Variants in CELSR2 observed in about 807,000 individuals in gnomAD.
CELSR2 encodes cadherin EGF LAG seven-pass G-type receptor 2, also known as EGF-like protein 2.
A neutral mutation model predicts 251.6 loss-of-function variants in CELSR2; 81 were observed. The ratio of observed to expected loss-of-function variants is 0.32; its 90% confidence interval spans 0.27 to 0.39. The LOEUF is 0.39. Among genes scored for constraint, CELSR2 ranks in the 10% least tolerant of loss-of-function variants. CELSR2 has a pLI of 1.00. For synonymous variants in CELSR2, 1,721 were observed against 1,670.5 expected, an observed-to-expected ratio of 1.03 and a Z score of -0.74; for missense variants, 3,365 against 3,947.7, an observed-to-expected ratio of 0.85 and a Z score of 3.96.
At position 109,250,210 on chromosome 1, in the gene CELSR2, G is replaced by A. The variant is rs776223604; in HGVS notation, c.131G>A (p.Gly44Glu). 1 of 1,601,470 alleles carries A rather than the reference G, an allele frequency of 6.2e-7. No homozygotes were observed. Among genetic ancestry groups the A allele is most frequent in the Non-Finnish European group, 8.5e-7 (1 of 1,175,030 alleles). Residue 44 changes from glycine (G) to glutamate (E), a missense_variant, in exon 1 of 34, where the codon GGA becomes GAA. Gly to Glu is a moderately conservative substitution (Grantham distance 98). Around this residue, in one of 5 missense-constraint regions of CELSR2, gnomAD observed 704 missense variants for 784.1 expected, o/e 0.90. Coordinates refer to ENST00000271332, the MANE Select transcript of CELSR2 (RefSeq NM_001408.3). The surrounding 1 kb of genome is among the most constrained non-coding windows in gnomAD (Gnocchi z 4.4). The part of the protein sequence containing the change: ...VGPCRSLGSR[G>E]RGSSGACAPM... ...CCCTGTCGTTCCTTGGGGTCCAGGG[G>A]ACGAGGCTCTTCGGGGGCCTGCGCC...
In CELSR2 at chr1:109,269,464, A is replaced by G; in HGVS notation, c.6853A>G (p.Ile2285Val). 1 of 1,614,090 alleles carries G rather than the reference A, an allele frequency of 6.2e-7. No homozygotes were observed. The highest frequency in any genetic ancestry group is 2.2e-5 in the East Asian group (1 of 44,882). ...GATCATCAACACACCCGTGGTGAGC[A>G]TCAGCGTCCATGATGATGAGGAGCT... ...RPIINTPVVS[I>V]SVHDDEELLP... Residue 2285 changes from isoleucine (I) to valine (V), a missense_variant, in exon 21 of 34, where the codon ATC becomes GTC. Coordinates refer to ENST00000271332, the MANE Select transcript of CELSR2 (RefSeq NM_001408.3). The surrounding 1 kb of genome is among the most constrained non-coding windows in gnomAD (Gnocchi z 6.4).
Position 109,271,614 on chromosome 1 carries a change from C to T in CELSR2, c.7818C>T (p.Phe2606=). ...TCNCIQGPFI[F]LSYVVLSKEV... ...TTGCCTGCCAGGGCCCCTTCATCTT[C>T]CTCTCCTATGTGGTGCTTAGCAAGG... The change falls in exon 28 of 34, where the codon TTC becomes TTT. Residue 2606 remains phenylalanine, a synonymous_variant. Coordinates refer to ENST00000271332, the MANE Select transcript of CELSR2 (RefSeq NM_001408.3). 1 of 1,614,128 alleles carries T rather than the reference C, an allele frequency of 6.2e-7. No homozygotes were observed.
At chr1:109,263,578 C>T (rs1231584576) in intron 8 of CELSR2, 33 bp from the exon 9 acceptor site, 1 of 1,608,826 alleles carries the variant, frequency 6.2e-7, no homozygotes. Flanking sequence ...TGAGGCTCCA[C>T]CCGTCACAGT....
At chr1:109,260,536 A>C (rs957391352) in intron 2 of CELSR2, among the ~76,000 whole-genome samples, 1 of 152,120 alleles carries the variant, frequency 6.6e-6, no homozygotes, top group African/African-American at 2.4e-5. Flanking sequence ...CAGGGAGGGA[A>C]ACTGATCTCA....
In CELSR2 at chr1:109,274,394, A is replaced by C; in HGVS notation, c.*345A>C. ...CATTTTTTTTATACGCTGGAAATTGACTCCCCTTTCCCTTCCCAAAGAGGA... is the reference window on the plus strand; with the variant it reads ...CATTTTTTTTATACGCTGGAAATTGCCTCCCCTTTCCCTTCCCAAAGAGGA... On this transcript the variant is annotated 3_prime_UTR_variant, in exon 34 of 34. Transcript: ENST00000271332. 1.4e-5 allele frequency: 5 copies of C among 367,126 alleles called. No individual in the cohort carries two copies. The highest frequency in any genetic ancestry group is 5.2e-5 in the South Asian group (1 of 19,302). The allele number at this position is 367,126 out of a possible 1,614,324, so 22.7% of individuals were successfully genotyped here. A position where few individuals can be genotyped will look rare whatever the true frequency, so the allele number is the denominator to read the frequency against.
chr1:109,263,328 A>C (rs183230549), intron 8 of CELSR2, 61 bp downstream of exon 8: 1 of 1,531,128 alleles, frequency 6.5e-7, no homozygotes, highest in Non-Finnish European at 8.8e-7. Context: ...GGGAACTGGC[A>C]GGGTTGGGGC....
In CELSR2 at chr1:109,251,652, C is replaced by T. The variant is rs745580418; in HGVS notation, c.1573C>T (p.Leu525Phe). 6.2e-7 allele frequency: 1 copy of T among 1,613,938 alleles called. No individual in the cohort carries two copies. Among genetic ancestry groups the T allele is most frequent in the East Asian group, 2.2e-5 (1 of 44,882 alleles). The stretch of plus-strand genomic sequence containing the variant: ...GAGTGTCCCCTTAGGCTACCTGGTT[C>T]TCCATGTCCAGGCTATCGACGCTGA... ...LESVPLGYLVLHVQAIDADAG... is the reference protein window; with the variant it reads ...LESVPLGYLVFHVQAIDADAG... The change falls in exon 1 of 34, where the codon CTC becomes TTC. Residue 525 changes from leucine to phenylalanine, a missense_variant. This residue lies in a region of CELSR2 where 704 missense variants were observed against 784.1 expected (regional missense o/e 0.90). Coordinates refer to ENST00000271332, the MANE Select transcript of CELSR2 (RefSeq NM_001408.3). The surrounding 1 kb of genome is among the most constrained non-coding windows in gnomAD (Gnocchi z 4.9).
chr1:109,250,007 G>T lies in CELSR2; in HGVS notation c.-73G>T. On this transcript the variant is annotated 5_prime_UTR_variant, in exon 1 of 34. Coordinates refer to ENST00000271332, the MANE Select transcript of CELSR2 (RefSeq NM_001408.3). This position sits in a 1 kb window ranked among gnomAD's most constrained non-coding sequence, Gnocchi z 4.4. ...GCGCCCTGGCCCGGGCATGAGGCGC[G>T]GCGGGGCCGGCAGGAGCCGGAGGAG... is the stretch of plus-strand genomic sequence containing the variant. The T allele has an allele frequency of 8.1e-7, 1 of 1,230,566 alleles. No individual in the cohort carries two copies. The highest frequency in any genetic ancestry group is 1.0e-6 in the Non-Finnish European group (1 of 989,056). 76.2% of individuals were successfully genotyped at this position (1,230,566 alleles called of 1,614,324 possible). A position where few individuals can be genotyped will look rare whatever the true frequency, so the allele number is the denominator to read the frequency against.
chr1:109,259,368 C>T (rs1655955773), intron 2 of CELSR2, among the ~76,000 whole-genome samples: 1 of 152,246 alleles, frequency 6.6e-6, no homozygotes, highest in African/African-American at 2.4e-5. Flanking sequence ...CCGCTAGTAG[C>T]TGTGTGACCT....
In CELSR2 at chr1:109,249,932, G is replaced by T; in HGVS notation, c.-148G>T. On this transcript the variant is annotated 5_prime_UTR_variant, in exon 1 of 34. Transcript: ENST00000271332. ...AGGGTGCAGCGCGGGGTCCCGCCGAGCCATCCAGACGCAGGCCCCGCGGGG... is the reference window on the plus strand; with the variant it reads ...AGGGTGCAGCGCGGGGTCCCGCCGATCCATCCAGACGCAGGCCCCGCGGGG... The T allele has an allele frequency of 1.5e-6, 1 of 683,116 alleles. No individual in the cohort carries two copies. Among genetic ancestry groups the T allele is most frequent in the Non-Finnish European group, 1.9e-6 (1 of 513,834 alleles). The allele number at this position is 683,116 out of a possible 1,614,324, so 42.3% of individuals were successfully genotyped here. A position where few individuals can be genotyped will look rare whatever the true frequency, so the allele number is the denominator to read the frequency against.
intron 33 of CELSR2, 90 bp downstream of exon 33, chr1:109,273,760 C>T: frequency 8.9e-7 from 1 of 1,117,526 alleles, no homozygotes; most frequent in Non-Finnish European, 1.3e-6. Context: ...CCAGGTGACT[C>T]TGGATGGCAT....
rs377436267 is a variant in CELSR2 at position 109,267,631 on chromosome 1, C to G, written c.6097C>G (p.Leu2033Val). ...FNCTSITFSE[L>V]KGFAERLQRN... ...CTGCACGTCCATCACCTTCTCAGAA[C>G]TGAAGGGCTTCGTAAGTGAACCCCC... Residue 2033 changes from leucine (L) to valine (V), a missense_variant, in exon 16 of 34, where the codon CTG becomes GTG. Coordinates refer to ENST00000271332, the MANE Select transcript of CELSR2 (RefSeq NM_001408.3). 2 of 1,614,116 alleles carry G rather than the reference C, an allele frequency of 1.2e-6. No homozygotes were observed. The highest frequency in any genetic ancestry group is 8.5e-7 in the Non-Finnish European group (1 of 1,180,044).
chr1:109,251,591 C>T lies in CELSR2; in HGVS notation c.1512C>T (p.Ile504=), dbSNP rs767522942. 2 of 1,613,832 alleles carry T rather than the reference C, an allele frequency of 1.2e-6. No homozygotes were observed. Among genetic ancestry groups the T allele is most frequent in the Admixed American group, 3.3e-5 (2 of 59,996 alleles). ...QVLDINDNAP[I]FVSTPFQATV... is the part of the protein sequence containing the mutation. ...TGGATATCAACGACAATGCCCCCAT[C>T]TTCGTCAGCACCCCTTTCCAGGCTA... The change falls in exon 1 of 34, where the codon ATC becomes ATT. Residue 504 remains isoleucine, a synonymous_variant. Coordinates refer to ENST00000271332, the MANE Select transcript of CELSR2 (RefSeq NM_001408.3). This position sits in a 1 kb window ranked among gnomAD's most constrained non-coding sequence, Gnocchi z 4.9.
Position 109,261,210 on chromosome 1 carries a change from CCTT to C in CELSR2, c.4129_4131del (p.Phe1377del). ...ACCACGCGCAGCTTCCCCGCCCACT[CCTT>C]CATCACCTTTCGCGGCCTGCGCCAG... On this transcript the variant is annotated inframe_deletion, in exon 3 of 34. Coordinates refer to ENST00000271332, the MANE Select transcript of CELSR2 (RefSeq NM_001408.3). This position sits in a 1 kb window ranked among gnomAD's most constrained non-coding sequence, Gnocchi z 4.8. 1 of 1,614,106 alleles carries C rather than the reference CCTT, an allele frequency of 6.2e-7. No homozygotes were observed. Among genetic ancestry groups the C allele is most frequent in the Non-Finnish European group, 8.5e-7 (1 of 1,180,032 alleles).
intron 17 of CELSR2, 51 bp downstream of exon 17, chr1:109,268,111 G>A (rs1406818918): frequency 1.9e-6 from 3 of 1,553,194 alleles, no homozygotes; most frequent in South Asian, 2.3e-5. Context: ...GTCATGGTGA[G>A]TGAGCCTGCT....
chr1:109,270,680 G>A, intron 24 of CELSR2, 80 bp downstream of exon 24: 1 of 1,517,034 alleles, frequency 6.6e-7, no homozygotes, highest in Non-Finnish European at 9.0e-7. Context: ...CCCACATACA[G>A]GCCCTGAGGC....
intron 1 of CELSR2, among the ~76,000 whole-genome samples, chr1:109,254,711 C>T (rs1436623956): frequency 1.3e-5 from 2 of 152,190 alleles, no homozygotes; most frequent in East Asian, 1.9e-4. Context: ...AGAGTCAGGG[C>T]GTGGCCTCAC....
At position 109,250,717 on chromosome 1, in the gene CELSR2, C is replaced by T. The variant is rs763935264; in HGVS notation, c.638C>T (p.Ala213Val). Residue 213 changes from alanine (A) to valine (V), a missense_variant, in exon 1 of 34, where the codon GCA (alanine) becomes GTA (valine). Physicochemically the swap from Ala to Val is moderately conservative, Grantham distance 64. Coordinates refer to ENST00000271332, the MANE Select transcript of CELSR2 (RefSeq NM_001408.3). The surrounding 1 kb of genome is among the most constrained non-coding windows in gnomAD (Gnocchi z 4.4). Reference protein sequence around the residue: ...LRAIDPDEGEAGRLEYTMDAL... With the variant: ...LRAIDPDEGEVGRLEYTMDAL... ...GCCATCGACCCGGACGAGGGTGAGG[C>T]AGGTCGACTGGAGTACACCATGGAT... is the stretch of plus-strand genomic sequence containing the variant. The T allele has an allele frequency of 3.7e-6, 6 of 1,614,032 alleles. No homozygotes were observed. The highest frequency in any genetic ancestry group is 5.1e-6 in the Non-Finnish European group (6 of 1,180,042).
In CELSR2 at chr1:109,265,240, C is replaced by G; in HGVS notation, c.5656C>G (p.Pro1886Ala). ...CTGGTGGGGACATCCCACATGTGGC[C>G]CATGCAACTGTGATGTCAGCAAAGG... ...RGWWGHPTCG[P>A]CNCDVSKGFD... The change falls in exon 13 of 34, where the codon CCA becomes GCA. Residue 1886 changes from proline (P) to alanine (A), a missense_variant. Physicochemically the swap from Pro to Ala is conservative, Grantham distance 27. Coordinates refer to ENST00000271332, the MANE Select transcript of CELSR2 (RefSeq NM_001408.3). The G allele has an allele frequency of 1.2e-6, 2 of 1,612,806 alleles. No individual in the cohort carries two copies. Among genetic ancestry groups the G allele is most frequent in the Non-Finnish European group, 1.7e-6 (2 of 1,179,130 alleles).
Sources: allele counts gnomAD v4.1 joint callset (sites outside exome capture counted in the v4.1 genomes callset), GRCh38; gene constraint gnomAD v4.1.1; regional missense constraint gnomAD v4.1.1; non-coding constraint Gnocchi (gnomAD v3.1); transcripts MANE v1.5; gene names NCBI Gene and HGNC (gene_info 2026-07-23, HGNC 2026-07-21).